MYOM2: variants seen among roughly 807,000 people sequenced by gnomAD.
MYOM2 encodes the protein myomesin-2.
Under a neutral mutation model 187.6 loss-of-function variants are expected in MYOM2, and 254 were observed. That is an observed-to-expected ratio of 1.35 (90% CI 1.22 to 1.50). The LOEUF (loss-of-function observed/expected upper bound fraction) is 1.50. MYOM2 is among the 40% of genes most tolerant of loss of function. The pLI is 0.00. For synonymous variants in MYOM2, 981 were observed against 753.8 expected, an observed-to-expected ratio of 1.30 and a Z score of -4.94; for missense variants, 2,796 against 1,924.0, an observed-to-expected ratio of 1.45 and a Z score of -8.48.
chr8:2,114,433 G>A (rs1012108666), intron 25 of MYOM2, among the ~76,000 whole-genome samples: 1 of 152,270 alleles, frequency 6.6e-6, no homozygotes, highest in African/African-American at 2.4e-5. Context: ...GTGGGCAAAT[G>A]TTTGTGGTTT....
chr8:2,131,533 A>G (rs1261458208), intron 32 of MYOM2, among the ~76,000 whole-genome samples: 1 of 152,148 alleles, frequency 6.6e-6, no homozygotes, highest in Non-Finnish European at 1.5e-5. Context: ...CTAGATACAA[A>G]AAGAGAAGGA....
chr8:2,090,330 G>A lies in MYOM2; in HGVS notation c.1828+139G>A, dbSNP rs987219490. ...AAGTGGACTTAAAACTTCACTTTACGAGAGATTAAGAGCTCTCTGCCATGT... is the reference window on the plus strand; with the variant it reads ...AAGTGGACTTAAAACTTCACTTTACAAGAGATTAAGAGCTCTCTGCCATGT... On this transcript the variant is annotated intron_variant, in intron 15 of 36. Transcript: ENST00000262113. 16 of 696,070 alleles carry A rather than the reference G, an allele frequency of 2.3e-5. No homozygotes were observed. The African/African-American group carries it at 2.4e-4, about 10-fold the overall frequency. The allele number at this position is 696,070 out of a possible 1,614,324, so 43.1% of individuals were successfully genotyped here.
chr8:2,100,205 C>T (rs1473581536), intron 19 of MYOM2, among the ~76,000 whole-genome samples: 8 of 149,136 alleles, frequency 5.4e-5, no homozygotes, highest in African/African-American at 1.2e-4. Context: ...TGCCTCCCGC[C>T]TTCTTTCCTG....
Position 2,072,354 on chromosome 8 carries a change from C to T in MYOM2, c.803C>T (p.Ser268Leu). ...SVGLPIGLPLSSMIPYTHFDV... is the reference protein window; with the variant it reads ...SVGLPIGLPLLSMIPYTHFDV... Reference sequence around the variant, plus strand: ...CATCGTTTCTGTGCAGTGCCCCTGTCATCGATGATTCCGTACACGCACTTC... The same window carrying T: ...CATCGTTTCTGTGCAGTGCCCCTGTTATCGATGATTCCGTACACGCACTTC... The change falls in exon 9 of 37, where the codon TCA (serine) becomes TTA (leucine). Residue 268 changes from serine (S) to leucine (L), a missense_variant. Transcript: ENST00000262113. 6.2e-7 allele frequency: 1 copy of T among 1,613,516 alleles called. No homozygotes were observed. Among genetic ancestry groups the T allele is most frequent in the Non-Finnish European group, 8.5e-7 (1 of 1,179,566 alleles).
intron 18 of MYOM2, among the ~76,000 whole-genome samples, chr8:2,098,609 G>A (rs536734345): frequency 4.6e-5 from 7 of 152,244 alleles, no homozygotes; most frequent in African/African-American, 1.7e-4. Context: ...CGCAGGAGTG[G>A]GATTGAGTGA....
rs756742078 is a variant in MYOM2, at chr8:2,143,499, T to C, written c.4080+43T>C. On this transcript the variant is annotated intron_variant, in intron 36 of 36. Coordinates refer to ENST00000262113, the MANE Select transcript of MYOM2 (RefSeq NM_003970.4). ...GGCCGGGGTGGGGGTGTCAGCACGG[T>C]GCGATGGACGCAACCCCTTCTCTTG... The C allele has an allele frequency of 9.3e-6, 15 of 1,610,586 alleles. No homozygotes were observed. The South Asian group carries it at 1.6e-4, about 18-fold the overall frequency.
intron 3 of MYOM2, among the ~76,000 whole-genome samples, chr8:2,054,841 C>G (rs1339264486): frequency 6.6e-6 from 1 of 152,222 alleles, no homozygotes; most frequent in Non-Finnish European, 1.5e-5. Flanking sequence ...TCGTTCATTT[C>G]TTGAACACAT....
chr8:2,050,673 C>G, intron 1 of MYOM2, 82 bp from the exon 2 acceptor site: 1 of 755,522 alleles, frequency 1.3e-6, no homozygotes, highest in Non-Finnish European at 2.2e-6. Flanking sequence ...AGTTCATTTT[C>G]CCCTTTGGAA....
At chr8:2,141,244 A>C in intron 34 of MYOM2, 67 bp downstream of exon 34, 1 of 1,433,786 alleles carries the variant, frequency 7.0e-7, no homozygotes, top group Non-Finnish European at 9.8e-7. Context: ...TTTTGGCTGC[A>C]TGTGGGAATC....
At chr8:2,132,654 C>G (rs1041667457) in intron 32 of MYOM2, among the ~76,000 whole-genome samples, 3 of 152,084 alleles carry the variant, frequency 2.0e-5, no homozygotes, top group Admixed American at 2.0e-4. Flanking sequence ...TGGTGCCATT[C>G]TAGCTCACTG....
At chr8:2,127,949 A>G (rs1797714652) in intron 31 of MYOM2, 2 of 152,292 alleles carry the variant, frequency 1.3e-5, no homozygotes, top group South Asian at 2.1e-4. Flanking sequence ...CACCATCATA[A>G]CAGTTTCTAT....
chr8:2,084,728 A>C (rs532204583), intron 13 of MYOM2, among the ~76,000 whole-genome samples: 2 of 152,258 alleles, frequency 1.3e-5, no homozygotes, highest in Admixed American at 6.5e-5. Context: ...CATAGAATAC[A>C]GTGCCTGTGA....
Position 2,053,516 on chromosome 8 carries a change from C to T in MYOM2, c.263+1203C>T, listed in dbSNP as rs138603348. ...TGAACATATTGCATAAACTTCCTAT[C>T]GCTCAATTTCCCTGCTGGTAAAATG... On this transcript the variant is annotated intron_variant, in intron 3 of 36. Coordinates refer to ENST00000262113, the MANE Select transcript of MYOM2 (RefSeq NM_003970.4). 3.9e-4 allele frequency among the ~76,000 whole-genome samples: 60 copies of T among 152,322 alleles called. No homozygotes were observed. The East Asian group carries it at 7.7e-3, about 20-fold the overall frequency.
chr8:2,068,398 A>G (rs1008913504), intron 6 of MYOM2, among the ~76,000 whole-genome samples: 1 of 149,648 alleles, frequency 6.7e-6, no homozygotes, highest in Non-Finnish European at 1.5e-5. Flanking sequence ...CAGCTCTTCA[A>G]TGCCTGTGTG....
At chr8:2,082,772 G>A (rs1199350967) in intron 13 of MYOM2, among the ~76,000 whole-genome samples, 1 of 152,212 alleles carries the variant, frequency 6.6e-6, no homozygotes, top group Non-Finnish European at 1.5e-5. Flanking sequence ...GTGCTTTCCT[G>A]GGCCGGGGCA....
chr8:2,053,956 T>A (rs905293763), intron 3 of MYOM2, among the ~76,000 whole-genome samples: 4 of 152,042 alleles, frequency 2.6e-5, no homozygotes, highest in Non-Finnish European at 5.9e-5. Context: ...TCTCAGTGAG[T>A]TGGGCAAGTT....
intron 32 of MYOM2, among the ~76,000 whole-genome samples, chr8:2,136,705 A>G (rs1482107405): frequency 6.6e-6 from 1 of 152,168 alleles, no homozygotes; most frequent in Non-Finnish European, 1.5e-5. Flanking sequence ...GGTGGGACAC[A>G]TTTACAGCTA....
chr8:2,137,406 A>C (rs1798118237), intron 32 of MYOM2, among the ~76,000 whole-genome samples: 1 of 151,948 alleles, frequency 6.6e-6, no homozygotes, highest in African/African-American at 2.4e-5. Context: ...GCTCATCACA[A>C]ATCCCCAAGC....
At chr8:2,097,925 G>C (rs944243461) in intron 18 of MYOM2, 3 of 152,182 alleles carry the variant, frequency 2.0e-5, no homozygotes, top group Non-Finnish European at 4.4e-5. Flanking sequence ...TCCTGTTGCT[G>C]CTGGAACTTT....
Sources: gnomAD v4.1 joint callset for allele counts (sites outside exome capture counted in the v4.1 genomes callset) on GRCh38, gnomAD v4.1.1 for gene constraint, MANE v1.5 for transcripts, NCBI Gene and HGNC (gene_info 2026-07-23, HGNC 2026-07-21) for gene names.